Variants in FBXL17 observed in about 807,000 individuals in gnomAD.
FBXL17 encodes F-box and leucine rich repeat protein 17, also known as F-box/LRR-repeat protein 17.
Under a neutral mutation model 66.2 loss-of-function variants are expected in FBXL17, and 22 were observed. The ratio of observed to expected loss-of-function variants is 0.33; its 90% confidence interval spans 0.24 to 0.47. FBXL17 has a LOEUF of 0.47. Ranked by LOEUF, FBXL17 falls within the 20% of genes least tolerant of loss-of-function variation. FBXL17 has a pLI of 1.00. For missense variants in FBXL17, 878 were observed against 948.2 expected (o/e 0.93, Z 0.97); for synonymous variants, 474 against 400.5 (o/e 1.18, Z -2.19).
intron 6 of FBXL17, among the ~76,000 whole-genome samples, chr5:108,083,437 G>A (rs1000358040): frequency 2.6e-5 from 4 of 152,124 alleles, no homozygotes; most frequent in African/African-American, 4.8e-5. Context: ...GTCTTGCTTT[G>A]TCACCCAGGC....
intron 6 of FBXL17, among the ~76,000 whole-genome samples, chr5:108,096,800 G>A (rs1438919712): frequency 6.6e-6 from 1 of 152,160 alleles, no homozygotes; most frequent in Admixed American, 6.5e-5. Context: ...AAGGAGGGCA[G>A]GCCTCATAAG....
chr5:108,098,512 G>A (rs1041998389), intron 6 of FBXL17, among the ~76,000 whole-genome samples: 1 of 152,070 alleles, frequency 6.6e-6, no homozygotes, highest in Non-Finnish European at 1.5e-5. Context: ...TTGGGAGGCC[G>A]AGGCGGGTGG....
chr5:108,378,016 G>C (rs952749960), intron 1 of FBXL17, among the ~76,000 whole-genome samples: 3 of 152,196 alleles, frequency 2.0e-5, no homozygotes, highest in Non-Finnish European at 4.4e-5. Context: ...TCCAAGTGAA[G>C]AAATTTAAGA....
intron 7 of FBXL17, among the ~76,000 whole-genome samples, chr5:108,014,930 A>G (rs1463245400): frequency 3.3e-5 from 5 of 152,278 alleles, no homozygotes; most frequent in Non-Finnish European, 1.5e-5. Context: ...TTATAAAACC[A>G]TCAGATCTCG....
intron 6 of FBXL17, among the ~76,000 whole-genome samples, chr5:108,178,845 A>G (rs935558754): frequency 2.0e-5 from 3 of 152,172 alleles, no homozygotes; most frequent in Non-Finnish European, 2.9e-5. Flanking sequence ...TTCACACTCA[A>G]TACTCCAAGG....
At chr5:108,144,314 T>C (rs1362023610) in intron 6 of FBXL17, among the ~76,000 whole-genome samples, 6 of 152,172 alleles carry the variant, frequency 3.9e-5, no homozygotes, top group Admixed American at 2.0e-4. Context: ...CAAAATGATA[T>C]GATAAACGGT....
At chr5:108,229,900 G>C (rs917785521) in intron 4 of FBXL17, among the ~76,000 whole-genome samples, 6 of 152,072 alleles carry the variant, frequency 3.9e-5, no homozygotes, top group Non-Finnish European at 8.8e-5. Flanking sequence ...ATCAAAAAGT[G>C]GGCTAAGGTC....
At chr5:108,267,528 ATC>A (rs1469487713) in intron 4 of FBXL17, among the ~76,000 whole-genome samples, 1 of 152,088 alleles carries the variant, frequency 6.6e-6, no homozygotes, top group Non-Finnish European at 1.5e-5. Context: ...TGGTAAAGTT[ATC>A]ATCATTAAGT....
intron 7 of FBXL17, among the ~76,000 whole-genome samples, chr5:107,884,684 T>C (rs926775487): frequency 1.3e-5 from 2 of 152,242 alleles, no homozygotes; most frequent in South Asian, 4.1e-4. Context: ...CAAGTTCGGT[T>C]CTAGCCTTAC....
chr5:107,912,812 G>A (rs1749996069), intron 7 of FBXL17, among the ~76,000 whole-genome samples: 1 of 152,130 alleles, frequency 6.6e-6, no homozygotes, highest in Non-Finnish European at 1.5e-5. Context: ...AATTACAAAT[G>A]TAATAATAAG....
chr5:108,001,397 CAAT>C (rs1753720369), intron 7 of FBXL17, among the ~76,000 whole-genome samples: 1 of 151,814 alleles, frequency 6.6e-6, no homozygotes. Context: ...TTAATTATCA[CAAT>C]AATAAAGGTA....
chr5:108,367,881 A>T lies in FBXL17; in HGVS notation c.1066T>A (p.Cys356Ser). Reference protein sequence around the residue: ...SLVCKYWRDLCLDFQFWKQLD... With the variant: ...SLVCKYWRDLSLDFQFWKQLD... The stretch of plus-strand genomic sequence containing the variant: ...TGCTTCCAAAACTGGAAGTCTAAAC[A>T]AAGGTCACGCCAGTACTTGCAAACC... Residue 356 changes from cysteine to serine, a missense_variant, in exon 2 of 9, where the codon TGT becomes AGT. Coordinates refer to ENST00000542267, the MANE Select transcript of FBXL17 (RefSeq NM_001163315.3). The T allele has an allele frequency of 6.4e-7, 1 of 1,551,098 alleles. No individual in the cohort carries two copies. Among genetic ancestry groups the T allele is most frequent in the Non-Finnish European group, 8.7e-7 (1 of 1,146,554 alleles).
chr5:108,002,641 C>A (rs1398267886), intron 7 of FBXL17, among the ~76,000 whole-genome samples: 1 of 151,948 alleles, frequency 6.6e-6, no homozygotes, highest in Non-Finnish European at 1.5e-5. Context: ...TGTCCATCAA[C>A]TGGTGAAAGG....
At chr5:108,262,666 TA>T (rs1045135640) in intron 4 of FBXL17, among the ~76,000 whole-genome samples, 7 of 151,864 alleles carry the variant, frequency 4.6e-5, no homozygotes, top group African/African-American at 1.7e-4. Context: ...TGAGACAATA[TA>T]CGAGAAGAAA....
intron 4 of FBXL17, among the ~76,000 whole-genome samples, chr5:108,288,482 A>C (rs1409082752): frequency 6.6e-6 from 1 of 151,788 alleles, no homozygotes; most frequent in Non-Finnish European, 1.5e-5. Flanking sequence ...AAAATGAGGT[A>C]TGCTTGTAAA....
intron 7 of FBXL17, among the ~76,000 whole-genome samples, chr5:107,904,222 A>G (rs927350545): frequency 6.6e-6 from 1 of 151,960 alleles, no homozygotes; most frequent in Non-Finnish European, 1.5e-5. Context: ...CCTATTTCCT[A>G]TCTCACGATG....
chr5:107,986,140 A>T (rs554647397), intron 7 of FBXL17, among the ~76,000 whole-genome samples: 1 of 152,208 alleles, frequency 6.6e-6, no homozygotes, highest in African/African-American at 2.4e-5. Context: ...AACCATAATA[A>T]ATTTATGAGA....
chr5:108,143,804 G>A (rs889562819), intron 6 of FBXL17, among the ~76,000 whole-genome samples: 2 of 149,844 alleles, frequency 1.3e-5, no homozygotes, highest in African/African-American at 4.9e-5. Flanking sequence ...GGATGTGTCT[G>A]CAATTTGGCT....
At chr5:108,141,186 G>A (rs1266243024) in intron 6 of FBXL17, among the ~76,000 whole-genome samples, 1 of 152,070 alleles carries the variant, frequency 6.6e-6, no homozygotes, top group South Asian at 2.1e-4. Context: ...GTCTGCCCAG[G>A]ATGGATTATC....
Sources: allele counts gnomAD v4.1 joint callset (sites outside exome capture counted in the v4.1 genomes callset), GRCh38; gene constraint gnomAD v4.1.1; transcripts MANE v1.5; gene names NCBI Gene and HGNC (gene_info 2026-07-23, HGNC 2026-07-21).